LTBP1: variants seen among roughly 807,000 people sequenced by gnomAD.
LTBP1 encodes latent transforming growth factor beta binding protein 1.
A neutral mutation model predicts 207.6 loss-of-function variants in LTBP1; 129 were observed. The ratio of observed to expected loss-of-function variants is 0.62; its 90% CI spans 0.54 to 0.72. The LOEUF is 0.72. Among genes scored for constraint, LTBP1 ranks in the 30% least tolerant of loss-of-function variants. The probability of loss-of-function intolerance (pLI) is 0.00; values close to 1 mark genes in which losing one functional copy is unlikely to be tolerated. For synonymous variants in LTBP1, 963 were observed against 833.7 expected, an observed-to-expected ratio of 1.16 and a Z score of -2.67; for missense variants, 2,281 against 2,217.2, an observed-to-expected ratio of 1.03 and a Z score of -0.58.
chr2:33,135,355 AGG>A (rs1273966310), intron 5 of LTBP1, among the ~76,000 whole-genome samples: 1 of 152,202 alleles, frequency 6.6e-6, no homozygotes, highest in East Asian at 1.9e-4. Flanking sequence ...AAATTTTGGA[AGG>A]TGGTGATGAA....
At position 33,100,690 on chromosome 2, in the gene LTBP1, T is replaced by TTCTC. The variant is rs142817944; in HGVS notation, c.864-9881_864-9878dup. 1.4e-4 allele frequency among the ~76,000 whole-genome samples: 21 copies of TTCTC among 151,926 alleles called. 1 individual carries two copies. In the South Asian group the frequency reaches 4.2e-3, roughly 30 times the overall value. On this transcript the variant is annotated intron_variant, in intron 3 of 33. Coordinates refer to ENST00000404816, the MANE Select transcript of LTBP1 (RefSeq NM_206943.4). ...AGAAACTCTACCTATTAAACAGTAATTCTCTCTCTCTCTCCCCCAACCCCT... is the reference window on the plus strand; with the variant it reads ...AGAAACTCTACCTATTAAACAGTAATTCTCTCTCTCTCTCTCTCCCCCAACCCCT...
chr2:33,323,564 G>A (rs1452478681), intron 24 of LTBP1, among the ~76,000 whole-genome samples: 1 of 152,162 alleles, frequency 6.6e-6, no homozygotes, highest in Non-Finnish European at 1.5e-5. Context: ...ATGAGCCTGG[G>A]AGGCGAGTGA....
chr2:33,186,881 T>C lies in LTBP1; in HGVS notation c.1227T>C (p.Asn409=). ...TAATTTGCCATCTTCCATGTATGAATGGTGGCCAGTGCAGTTCAAGGGACA... is the reference window on the plus strand; with the variant it reads ...TAATTTGCCATCTTCCATGTATGAACGGTGGCCAGTGCAGTTCAAGGGACA... ...RVVICHLPCM[N]GGQCSSRDKC... The change falls in exon 6 of 34, where the codon AAT becomes AAC. Residue 409 remains asparagine (N), a synonymous_variant. Coordinates refer to ENST00000404816, the MANE Select transcript of LTBP1 (RefSeq NM_206943.4). 1 of 1,614,110 alleles carries C rather than the reference T, an allele frequency of 6.2e-7. No homozygotes were observed. The highest frequency in any genetic ancestry group is 8.5e-7 in the Non-Finnish European group (1 of 1,179,942).
intron 6 of LTBP1, among the ~76,000 whole-genome samples, 188 bp downstream of exon 6, chr2:33,187,268 A>G (rs1316007508): frequency 6.6e-6 from 1 of 152,212 alleles, no homozygotes; most frequent in Non-Finnish European, 1.5e-5. Context: ...TTTCTAGGCC[A>G]TAGAGAGTTA....
At chr2:33,340,502 G>A (rs981889741) in intron 24 of LTBP1, among the ~76,000 whole-genome samples, 2 of 152,186 alleles carry the variant, frequency 1.3e-5, no homozygotes, top group Admixed American at 6.5e-5. Flanking sequence ...GTCACTGAAC[G>A]TGGGAAGAGA....
intron 19 of LTBP1, among the ~76,000 whole-genome samples, chr2:33,280,825 T>C (rs182282723): frequency 6.6e-6 from 1 of 152,294 alleles, no homozygotes; most frequent in East Asian, 1.9e-4. Flanking sequence ...TCCCAGAACT[T>C]TGGAAGGCCG....
chr2:33,137,574 C>T (rs1252634074), intron 5 of LTBP1, among the ~76,000 whole-genome samples: 1 of 152,192 alleles, frequency 6.6e-6, no homozygotes, highest in Non-Finnish European at 1.5e-5. Flanking sequence ...CTGAATTTGG[C>T]TTGAGTGCCA....
intron 24 of LTBP1, among the ~76,000 whole-genome samples, chr2:33,318,324 TGGGTG>T (rs1222953232): frequency 1.4e-4 from 22 of 152,136 alleles, no homozygotes; most frequent in African/African-American, 4.3e-4. Flanking sequence ...AAGTAGGTGG[TGGGTG>T]GGCAGCTATT....
At chr2:33,380,748 G>A (rs750635632) in intron 31 of LTBP1, among the ~76,000 whole-genome samples, 108 of 151,992 alleles carry the variant, frequency 7.1e-4, no homozygotes, top group Non-Finnish European at 1.3e-3. Context: ...TTTAAAAATT[G>A]CAGTGAACTT....
Position 33,329,508 on chromosome 2 carries a change from T to C in LTBP1, c.3731-13330T>C, listed in dbSNP as rs1393322534. 2.6e-5 allele frequency among the ~76,000 whole-genome samples: 4 copies of C among 152,272 alleles called. No homozygotes were observed. In the East Asian group the frequency reaches 7.7e-4, roughly 29 times the overall value. On this transcript the variant is annotated intron_variant, in intron 24 of 33. Transcript: ENST00000404816. ...AAGGTACTGTTATGTTGTCTTCTGATAGCTTTATTGTTTCACATTTTAAAT... is the reference window on the plus strand; with the variant it reads ...AAGGTACTGTTATGTTGTCTTCTGACAGCTTTATTGTTTCACATTTTAAAT...
chr2:33,358,207 A>G (rs1205758180), intron 26 of LTBP1, among the ~76,000 whole-genome samples: 1 of 152,138 alleles, frequency 6.6e-6, no homozygotes, highest in Non-Finnish European at 1.5e-5. Context: ...GTCTTAGAAA[A>G]TAAGACCAAA....
chr2:32,989,823 G>A (rs1684134771), intron 2 of LTBP1, among the ~76,000 whole-genome samples: 1 of 152,228 alleles, frequency 6.6e-6, no homozygotes, highest in Non-Finnish European at 1.5e-5. Flanking sequence ...CTGTGCCTTA[G>A]CATCCTCATT....
chr2:33,290,071 T>C lies in LTBP1; in HGVS notation c.3113-3089T>C, dbSNP rs367667279. On this transcript the variant is annotated intron_variant, in intron 19 of 33. Coordinates refer to ENST00000404816, the MANE Select transcript of LTBP1 (RefSeq NM_206943.4). ...GTGAGAGCCTTGTGCTGCGTCTTAATATGCTGGAGAAGTGGCAGGTGAAGC... is the reference window on the plus strand; with the variant it reads ...GTGAGAGCCTTGTGCTGCGTCTTAACATGCTGGAGAAGTGGCAGGTGAAGC... 1.6e-4 allele frequency among the ~76,000 whole-genome samples: 24 copies of C among 152,166 alleles called. No homozygotes were observed. In the East Asian group the frequency reaches 1.9e-3, roughly 12 times the overall value.
intron 4 of LTBP1, among the ~76,000 whole-genome samples, chr2:33,131,154 C>T (rs567095252): frequency 1.1e-4 from 16 of 152,278 alleles, no homozygotes; most frequent in African/African-American, 3.4e-4. Context: ...CCCCATGCTT[C>T]GGGTTACTTT....
At chr2:32,991,381 G>A (rs1421288144) in intron 2 of LTBP1, among the ~76,000 whole-genome samples, 1 of 152,136 alleles carries the variant, frequency 6.6e-6, no homozygotes, top group Non-Finnish European at 1.5e-5. Flanking sequence ...TTGAAATATA[G>A]TTGTTTAACT....
chr2:33,378,218 TGTGTTTTG>T (rs1281277542), intron 31 of LTBP1, among the ~76,000 whole-genome samples: 23 of 147,722 alleles, frequency 1.6e-4, no homozygotes, highest in African/African-American at 5.6e-4. Context: ...TGTGTGTGTG[TGTGTTTTG>T]TTTGTTTGTT....
intron 11 of LTBP1, 42 bp downstream of exon 11, chr2:33,252,886 A>G (rs1415508394): frequency 9.3e-6 from 14 of 1,512,722 alleles, no homozygotes; most frequent in Non-Finnish European, 1.2e-5. Flanking sequence ...ATTCCCAGCC[A>G]CATGAGTACA....
chr2:33,335,333 T>TA (rs1284307637), intron 24 of LTBP1, among the ~76,000 whole-genome samples: 9 of 146,022 alleles, frequency 6.2e-5, no homozygotes, highest in Non-Finnish European at 1.2e-4. Flanking sequence ...AAGGTCCCCG[T>TA]GTTTTTTTCC....
Position 33,355,188 on chromosome 2 carries a change from T to C in LTBP1, c.4001-5409T>C, listed in dbSNP as rs367886509. ...TCAGGAATGTTATGGGTTTGTGTTG[T>C]GTGTCATCTGCTTGTTCCCCCATCT... On this transcript the variant is annotated intron_variant, in intron 26 of 33. Coordinates refer to ENST00000404816, the MANE Select transcript of LTBP1 (RefSeq NM_206943.4). 3.7e-4 allele frequency among the ~76,000 whole-genome samples: 56 copies of C among 152,080 alleles called. No homozygotes were observed. The South Asian group carries it at 0.011, about 29-fold the overall frequency.
Sources: allele counts gnomAD v4.1 joint callset (sites outside exome capture counted in the v4.1 genomes callset), GRCh38; gene constraint gnomAD v4.1.1; transcripts MANE v1.5; gene names NCBI Gene and HGNC (gene_info 2026-07-23, HGNC 2026-07-21).